GRM8: variants seen among roughly 807,000 people sequenced by gnomAD.
GRM8 encodes the protein glutamate metabotropic receptor 8.
A neutral mutation model predicts 87.2 loss-of-function variants in GRM8; 47 were observed. The observed-to-expected ratio is 0.54, with a 90% confidence interval of 0.43 to 0.69. The LOEUF is 0.69. Ranked by LOEUF, GRM8 falls within the 30% of genes least tolerant of loss-of-function variation. The probability of loss-of-function intolerance (pLI) is 0.00; values close to 1 mark genes in which losing one functional copy is unlikely to be tolerated. For synonymous variants in GRM8, 396 were observed against 404.5 expected, an observed-to-expected ratio of 0.98 and a Z score of 0.25; for missense variants, 1,019 against 1,139.2, an observed-to-expected ratio of 0.89 and a Z score of 1.52.
At chr7:126,458,354 GC>G (rs1453248956) in intron 9 of GRM8, among the ~76,000 whole-genome samples, 1 of 151,072 alleles carries the variant, frequency 6.6e-6, no homozygotes, top group African/African-American at 2.4e-5. Context: ...CATTTTCTAT[GC>G]CAGGAAAATG....
At chr7:126,891,432 T>C (rs185395175) in intron 6 of GRM8, among the ~76,000 whole-genome samples, 24 of 151,852 alleles carry the variant, frequency 1.6e-4, no homozygotes, top group African/African-American at 4.6e-4. Context: ...CTTAAAACCT[T>C]CTGGTGCCCA....
chr7:126,510,826 C>T (rs1464258739), intron 9 of GRM8, among the ~76,000 whole-genome samples: 2 of 152,088 alleles, frequency 1.3e-5, no homozygotes, highest in African/African-American at 4.8e-5. Flanking sequence ...CTTCACTGCC[C>T]TCCATGTGAC....
chr7:126,516,774 A>G (rs1644791678), intron 9 of GRM8, among the ~76,000 whole-genome samples: 1 of 152,164 alleles, frequency 6.6e-6, no homozygotes, highest in South Asian at 2.1e-4. Context: ...TGTTACTTGT[A>G]TATATCTTAC....
intron 3 of GRM8, among the ~76,000 whole-genome samples, chr7:127,070,178 T>C (rs896071485): frequency 2.6e-5 from 4 of 152,048 alleles, no homozygotes; most frequent in South Asian, 4.1e-4. Flanking sequence ...AACCTGATAT[T>C]TGTACTTGAA....
chr7:127,189,164 C>T (rs1454241837), intron 2 of GRM8, among the ~76,000 whole-genome samples: 4 of 152,170 alleles, frequency 2.6e-5, no homozygotes. Flanking sequence ...GACCTGCAGA[C>T]CTAAGCAGGT....
chr7:127,111,473 G>A (rs898586163), intron 2 of GRM8, among the ~76,000 whole-genome samples: 3 of 152,014 alleles, frequency 2.0e-5, no homozygotes, highest in Admixed American at 6.6e-5. Context: ...TGAAGCTTCT[G>A]AAAAGGATCC....
At chr7:126,772,430 T>C (rs1452326042) in intron 6 of GRM8, among the ~76,000 whole-genome samples, 2 of 152,070 alleles carry the variant, frequency 1.3e-5, no homozygotes, top group African/African-American at 4.8e-5. Context: ...CTTGGGTCTC[T>C]CCTTAAGTAC....
At chr7:126,569,255 T>C (rs1162876475) in intron 8 of GRM8, among the ~76,000 whole-genome samples, 3 of 152,146 alleles carry the variant, frequency 2.0e-5, no homozygotes, top group Non-Finnish European at 4.4e-5. Flanking sequence ...TTTTACATAA[T>C]GTAGTCACAA....
chr7:126,625,182 C>T (rs1192656124), intron 7 of GRM8, among the ~76,000 whole-genome samples: 1 of 152,070 alleles, frequency 6.6e-6, no homozygotes, highest in East Asian at 1.9e-4. Context: ...GTATCAGACA[C>T]TGGCATGGAT....
chr7:127,148,621 C>T (rs1828678082), intron 2 of GRM8, among the ~76,000 whole-genome samples: 1 of 151,866 alleles, frequency 6.6e-6, no homozygotes, highest in African/African-American at 2.4e-5. Flanking sequence ...TACTCATATA[C>T]AGTATTGTTT....
At chr7:127,021,482 T>A (rs1449646921) in intron 3 of GRM8, among the ~76,000 whole-genome samples, 1 of 152,076 alleles carries the variant, frequency 6.6e-6, no homozygotes, top group Non-Finnish European at 1.5e-5. Context: ...AATTTAACTA[T>A]ATGTTACTTC....
At chr7:126,642,039 G>A (rs1047959957) in intron 7 of GRM8, among the ~76,000 whole-genome samples, 2 of 152,186 alleles carry the variant, frequency 1.3e-5, no homozygotes, top group African/African-American at 4.8e-5. Context: ...CATACAAAAT[G>A]AGTAGATATT....
chr7:126,547,910 T>A (rs1206989534), intron 8 of GRM8, among the ~76,000 whole-genome samples: 7 of 142,186 alleles, frequency 4.9e-5, no homozygotes, highest in Non-Finnish European at 9.2e-5. Flanking sequence ...AAAAAAAACC[T>A]AGTTGATGTG....
At chr7:126,759,467 T>C (rs1437954334) in intron 7 of GRM8, among the ~76,000 whole-genome samples, 1 of 152,162 alleles carries the variant, frequency 6.6e-6, no homozygotes, top group Non-Finnish European at 1.5e-5. Flanking sequence ...TGGTCCATTC[T>C]AGATTCATTA....
chr7:126,473,642 T>C (rs1295339481), intron 9 of GRM8, among the ~76,000 whole-genome samples: 1 of 152,176 alleles, frequency 6.6e-6, no homozygotes, highest in Non-Finnish European at 1.5e-5. Flanking sequence ...TTTTGAAATA[T>C]GAGGATATGA....
At chr7:126,856,986 G>GA (rs1797745135) in intron 6 of GRM8, among the ~76,000 whole-genome samples, 1 of 152,194 alleles carries the variant, frequency 6.6e-6, no homozygotes, top group African/African-American at 2.4e-5. Flanking sequence ...TGATGCAAAG[G>GA]TCTTAATGAT....
chr7:126,668,609 A>C (rs1806051519), intron 7 of GRM8, among the ~76,000 whole-genome samples: 1 of 152,098 alleles, frequency 6.6e-6, no homozygotes, highest in African/African-American at 2.4e-5. Context: ...ATGCTGCCGC[A>C]GCCTTCCACC....
intron 7 of GRM8, among the ~76,000 whole-genome samples, chr7:126,638,316 C>A (rs905404536): frequency 2.0e-5 from 3 of 152,140 alleles, no homozygotes; most frequent in Non-Finnish European, 2.9e-5. Context: ...TAGAAGCCTC[C>A]AGATACCTTC....
intron 2 of GRM8, among the ~76,000 whole-genome samples, chr7:127,151,990 C>T (rs927026762): frequency 2.0e-5 from 3 of 152,056 alleles, no homozygotes; most frequent in Admixed American, 6.6e-5. Flanking sequence ...TACGATTTCT[C>T]ACTTGCCAAT....
Sources: allele counts gnomAD v4.1 joint callset (sites outside exome capture counted in the v4.1 genomes callset), GRCh38; gene constraint gnomAD v4.1.1; transcripts MANE v1.5; gene names NCBI Gene and HGNC (gene_info 2026-07-23, HGNC 2026-07-21).